The following TMEM74 variants were observed in gnomAD, a reference collection of about 807,000 sequenced individuals.
The protein encoded by TMEM74 is transmembrane protein 74.
Under a neutral mutation model 18.1 loss-of-function variants are expected in TMEM74, and 13 were observed. The ratio of observed to expected loss-of-function variants is 0.72; its 90% CI spans 0.47 to 1.14. The LOEUF (loss-of-function observed/expected upper bound fraction) is 1.14. Ranked by LOEUF, TMEM74 falls within the 50% of genes most tolerant of loss-of-function variation. The pLI is 0.00. For synonymous variants in TMEM74, 159 were observed against 146.6 expected (o/e 1.08, Z -0.61); for missense variants, 372 against 375.9 (o/e 0.99, Z 0.09).
chr8:108,693,628 T>A (rs901308491), intron 1 of TMEM74, among the ~76,000 whole-genome samples: 1 of 152,234 alleles, frequency 6.6e-6, no homozygotes, highest in African/African-American at 2.4e-5. Flanking sequence ...TGTTACCAAA[T>A]GCCTTCCTAA....
intron 1 of TMEM74, among the ~76,000 whole-genome samples, chr8:108,685,092 A>G (rs890789891): frequency 9.2e-5 from 14 of 151,928 alleles, no homozygotes; most frequent in Non-Finnish European, 2.9e-5. Flanking sequence ...ATTTGTTTGT[A>G]TACTCTCCCA....
chr8:108,722,041 G>T (rs2130632012), intron 1 of TMEM74, among the ~76,000 whole-genome samples: 1 of 152,206 alleles, frequency 6.6e-6, no homozygotes, highest in Admixed American at 6.5e-5. Flanking sequence ...CCTAATCCAA[G>T]GTCAAAAATG....
At chr8:108,763,045 GTTTTC>G (rs1306543164) in intron 1 of TMEM74, among the ~76,000 whole-genome samples, 9 of 151,972 alleles carry the variant, frequency 5.9e-5, no homozygotes, top group African/African-American at 9.7e-5. Context: ...CCTCCAAATT[GTTTTC>G]TTTTATTTTA....
chr8:108,691,216 G>A (rs1017807040), intron 1 of TMEM74, among the ~76,000 whole-genome samples: 2 of 152,208 alleles, frequency 1.3e-5, no homozygotes, highest in Admixed American at 1.3e-4. Context: ...AAAGAGAAAG[G>A]ATGTGATCTC....
chr8:108,644,743 GA>G (rs1227886126), intron 2 of TMEM74, among the ~76,000 whole-genome samples: 3 of 151,948 alleles, frequency 2.0e-5, no homozygotes, highest in Non-Finnish European at 4.4e-5. Context: ...ACAAACATAT[GA>G]AAAAAATGCT....
At chr8:108,750,093 T>TGCTCCAAGGGAAATGAAAAG in intron 1 of TMEM74, among the ~76,000 whole-genome samples, 1 of 152,092 alleles carries the variant, frequency 6.6e-6, no homozygotes, top group East Asian at 1.9e-4. Flanking sequence ...AATCCTAAAC[T>TGCTCCAAGGGAAATGAAAAG]GCTCCAAGGG....
chr8:108,713,449 T>A (rs1813492328), intron 1 of TMEM74, among the ~76,000 whole-genome samples: 1 of 152,192 alleles, frequency 6.6e-6, no homozygotes, highest in Admixed American at 6.5e-5. Context: ...AAAGATGCAT[T>A]CATTCAATAC....
At chr8:108,771,518 T>C (rs1412380521) in intron 1 of TMEM74, among the ~76,000 whole-genome samples, 1 of 152,206 alleles carries the variant, frequency 6.6e-6, no homozygotes, top group East Asian at 1.9e-4. Context: ...TCTGGTCTTA[T>C]GTATATATAA....
intron 2 of TMEM74, among the ~76,000 whole-genome samples, chr8:108,654,923 A>G (rs191858995): frequency 5.5e-4 from 84 of 152,290 alleles, no homozygotes; most frequent in African/African-American, 2.0e-3. Context: ...GGAACCACAG[A>G]AATTAGTTGT....
intron 1 of TMEM74, among the ~76,000 whole-genome samples, chr8:108,671,079 T>C (rs1418065645): frequency 6.6e-6 from 1 of 152,208 alleles, no homozygotes; most frequent in Non-Finnish European, 1.5e-5. Context: ...GGAAGAACGC[T>C]GAGACCTGAT....
intron 1 of TMEM74, among the ~76,000 whole-genome samples, chr8:108,664,116 G>T (rs13275287): frequency 1.3e-5 from 2 of 152,070 alleles, no homozygotes; most frequent in East Asian, 3.9e-4. Context: ...GAACTTAAAA[G>T]TTGAAGAAAA....
chr8:108,767,747 A>T (rs1056529887), intron 1 of TMEM74, among the ~76,000 whole-genome samples: 10 of 152,114 alleles, frequency 6.6e-5, no homozygotes, highest in Non-Finnish European at 1.3e-4. Flanking sequence ...CTAGTTACTT[A>T]TATTTTCTTC....
chr8:108,730,423 C>A (rs1410381583), intron 1 of TMEM74, among the ~76,000 whole-genome samples: 1 of 152,006 alleles, frequency 6.6e-6, no homozygotes, highest in Non-Finnish European at 1.5e-5. Flanking sequence ...TGCCTCTCGT[C>A]GACACAATCA....
chr8:108,784,790 G>A lies in TMEM74; in HGVS notation c.309C>T (p.Cys103=). 6.2e-7 allele frequency: 1 copy of A among 1,614,224 alleles called. No homozygotes were observed. The highest frequency in any genetic ancestry group is 8.5e-7 in the Non-Finnish European group (1 of 1,180,046). ...TAAAAGAAGTTTCTAATTCCTGGCT[G>A]CAGCAGTTACAGACTTTCCGTTCCG... The part of the protein sequence containing the change: ...ITAERKVCNC[C]SQELETSFTY... The change falls in exon 2 of 2, where the codon TGC becomes TGT. Residue 103 remains cysteine (C), a synonymous_variant. Coordinates refer to ENST00000297459, the MANE Select transcript of TMEM74 (RefSeq NM_153015.3).
At chr8:108,733,942 A>T (rs1813720183) in intron 1 of TMEM74, among the ~76,000 whole-genome samples, 1 of 152,222 alleles carries the variant, frequency 6.6e-6, no homozygotes, top group African/African-American at 2.4e-5. Context: ...AGCTATTTAC[A>T]AACCAGTGAA....
intron 2 of TMEM74, among the ~76,000 whole-genome samples, chr8:108,627,336 T>C (rs1487625637): frequency 6.6e-6 from 1 of 151,928 alleles, no homozygotes; most frequent in Non-Finnish European, 1.5e-5. Flanking sequence ...TCTATAGTGA[T>C]GTGGGAGATA....
intron 2 of TMEM74, among the ~76,000 whole-genome samples, chr8:108,643,348 T>G (rs1812684828): frequency 6.6e-6 from 1 of 152,202 alleles, no homozygotes; most frequent in Admixed American, 6.5e-5. Flanking sequence ...ACCATTGACT[T>G]AGACTAAAGG....
chr8:108,695,813 C>T (rs557449857), intron 1 of TMEM74, among the ~76,000 whole-genome samples: 28 of 152,254 alleles, frequency 1.8e-4, no homozygotes, highest in African/African-American at 6.5e-4. Flanking sequence ...ATATAGATGA[C>T]CCAGCTGTGA....
At chr8:108,785,668 T>C (rs1178202975) in intron 1 of TMEM74, among the ~76,000 whole-genome samples, 1 of 152,184 alleles carries the variant, frequency 6.6e-6, no homozygotes, top group African/African-American at 2.4e-5. Flanking sequence ...TGAATGACTA[T>C]ACACCCCTAT....
Sources: allele counts gnomAD v4.1 joint callset (sites outside exome capture counted in the v4.1 genomes callset), GRCh38; gene constraint gnomAD v4.1.1; transcripts MANE v1.5; gene names NCBI Gene and HGNC (gene_info 2026-07-23, HGNC 2026-07-21).